The following RBFOX3 variants were observed in gnomAD, a reference collection of about 807,000 sequenced individuals.
RBFOX3 encodes RNA binding fox-1 homolog 3.
In RBFOX3, 17 loss-of-function variants were observed where a neutral mutation model predicts 48.7. The ratio of observed to expected loss-of-function variants is 0.35; its 90% confidence interval spans 0.24 to 0.52. The LOEUF is 0.52. Ranked by LOEUF, RBFOX3 falls within the 20% of genes least tolerant of loss-of-function variation. The pLI is 0.94. For synonymous variants in RBFOX3, 212 were observed against 209.5 expected, an observed-to-expected ratio of 1.01 and a Z score of -0.10; for missense variants, 382 against 497.5, an observed-to-expected ratio of 0.77 and a Z score of 2.21.
At chr17:79,335,634 G>C (rs1004364717) in intron 2 of RBFOX3, among the ~76,000 whole-genome samples, 1 of 152,162 alleles carries the variant, frequency 6.6e-6, no homozygotes, top group African/African-American at 2.4e-5. Flanking sequence ...TCCGCCATCT[G>C]GCTCTTGCTT....
intron 4 of RBFOX3, among the ~76,000 whole-genome samples, chr17:79,119,997 A>G (rs1190869567): frequency 1.3e-5 from 2 of 152,234 alleles, no homozygotes; most frequent in Non-Finnish European, 2.9e-5. Flanking sequence ...AGCACACAGA[A>G]GGCTGTGCAG....
chr17:79,120,695 T>TGGGC (rs2035476101), intron 4 of RBFOX3, among the ~76,000 whole-genome samples: 2 of 34,720 alleles, frequency 5.8e-5, no homozygotes, highest in East Asian at 1.0e-3. Flanking sequence ...GATGGATAGA[T>TGGGC]GGGTGGGTGG....
At chr17:79,130,126 G>A (rs544323523) in intron 4 of RBFOX3, among the ~76,000 whole-genome samples, 2 of 152,040 alleles carry the variant, frequency 1.3e-5, no homozygotes, top group African/African-American at 4.8e-5. Context: ...TCTGTCCCCT[G>A]ACAGCAGGTT....
chr17:79,431,834 A>T lies in RBFOX3; in HGVS notation c.-175+50620T>A, dbSNP rs192781009. Reference sequence around the variant, plus strand: ...ATATCTCTGAACCATTACTATCTTGAGTGTACAGTCAGTGGCATTCGGAAC... The same window carrying T: ...ATATCTCTGAACCATTACTATCTTGTGTGTACAGTCAGTGGCATTCGGAAC... On this transcript the variant is annotated intron_variant, in intron 2 of 14. Transcript: ENST00000693108. Among the ~76,000 whole-genome samples, 8 of 152,290 alleles carry T rather than the reference A, an allele frequency of 5.3e-5. No homozygotes were observed. In the East Asian group the frequency reaches 1.5e-3, roughly 29 times the overall value.
intron 2 of RBFOX3, among the ~76,000 whole-genome samples, chr17:79,332,540 CAG>C (rs2080483285): frequency 7.8e-6 from 1 of 127,700 alleles, no homozygotes; most frequent in Admixed American, 8.2e-5. Flanking sequence ...CAGCCAGAGA[CAG>C]AGACACAGAG....
chr17:79,267,336 T>G (rs2066883457), intron 3 of RBFOX3, among the ~76,000 whole-genome samples: 1 of 152,068 alleles, frequency 6.6e-6, no homozygotes, highest in Non-Finnish European at 1.5e-5. Flanking sequence ...ATCTCCAAGT[T>G]CTGTCCAGTC....
At chr17:79,648,346 G>A in the RBFOX3 span, among the ~76,000 whole-genome samples, 13 of 152,134 alleles carry the variant, frequency 8.5e-5, no homozygotes, top group Non-Finnish European at 1.3e-4. Context: ...CCTAACTCAC[G>A]GGCACGTCCT....
chr17:79,397,361 C>T (rs2062128755), intron 2 of RBFOX3, among the ~76,000 whole-genome samples: 1 of 151,898 alleles, frequency 6.6e-6, no homozygotes, highest in African/African-American at 2.4e-5. Flanking sequence ...GGCCTGGTGG[C>T]GCACACCTGT....
At chr17:79,440,937 G>A (rs1417624375) in intron 2 of RBFOX3, among the ~76,000 whole-genome samples, 4 of 152,230 alleles carry the variant, frequency 2.6e-5, no homozygotes, top group African/African-American at 4.8e-5. Context: ...CGCACGGTGA[G>A]TCGGAACCAG....
At chr17:79,436,153 G>A (rs1269653475) in intron 2 of RBFOX3, among the ~76,000 whole-genome samples, 1 of 152,200 alleles carries the variant, frequency 6.6e-6, no homozygotes, top group African/African-American at 2.4e-5. Flanking sequence ...AACACCCCCG[G>A]GTAGGCAGCC....
chr17:79,094,690 A>G (rs902239033), intron 13 of RBFOX3, among the ~76,000 whole-genome samples, 161 bp from the exon 14 acceptor site: 19 of 148,518 alleles, frequency 1.3e-4, no homozygotes, highest in African/African-American at 4.8e-4. Context: ...TGCAAGGCCT[A>G]CCCCTCCTTC....
chr17:79,154,643 T>C (rs2045361405), intron 4 of RBFOX3, among the ~76,000 whole-genome samples: 1 of 152,084 alleles, frequency 6.6e-6, no homozygotes, highest in Non-Finnish European at 1.5e-5. Context: ...TTTGGCTGGG[T>C]CTCGCCCTGC....
At chr17:79,366,742 G>A (rs1267797772) in intron 2 of RBFOX3, among the ~76,000 whole-genome samples, 1 of 152,230 alleles carries the variant, frequency 6.6e-6, no homozygotes, top group Non-Finnish European at 1.5e-5. Context: ...TTCTGCCTGT[G>A]GACACTGGCA....
intron 4 of RBFOX3, among the ~76,000 whole-genome samples, chr17:79,144,459 A>C (rs907700068): frequency 4.6e-5 from 7 of 152,126 alleles, no homozygotes; most frequent in Non-Finnish European, 1.0e-4. Flanking sequence ...CCTCACTCAG[A>C]AGCTCTTTCC....
chr17:79,221,128 C>T (rs568044573), intron 4 of RBFOX3, among the ~76,000 whole-genome samples: 3 of 152,334 alleles, frequency 2.0e-5, no homozygotes, highest in South Asian at 2.1e-4. Flanking sequence ...GCCGGCTGAG[C>T]GCTGTTGACA....
At chr17:79,506,871 C>T (rs566991144) in intron 1 of RBFOX3, among the ~76,000 whole-genome samples, 1 of 152,296 alleles carries the variant, frequency 6.6e-6, no homozygotes, top group African/African-American at 2.4e-5. Context: ...TCCAGTGCCC[C>T]CACGATCCAG....
At chr17:79,129,997 G>C (rs1045729480) in intron 4 of RBFOX3, among the ~76,000 whole-genome samples, 13 of 152,156 alleles carry the variant, frequency 8.5e-5, no homozygotes, top group Non-Finnish European at 1.9e-4. Flanking sequence ...GGCAGGGGCT[G>C]CCCTGCGGGG....
At position 79,103,483 on chromosome 17, in the gene RBFOX3, ACCCAGCCTGAG is replaced by A. The variant is rs1230266976; in HGVS notation, c.415-240_415-230del. Reference sequence around the variant, plus strand: ...ATGGGCCCCAGGGGGGCAGCTGCTGACCCAGCCTGAGCCCAGCCTGAGCTGATCACCCGGCA... The same window carrying A: ...ATGGGCCCCAGGGGGGCAGCTGCTGACCCAGCCTGAGCTGATCACCCGGCA... On this transcript the variant is annotated intron_variant, in intron 7 of 14. Coordinates refer to ENST00000693108, the MANE Select transcript of RBFOX3 (RefSeq NM_001350451.2). The surrounding 1 kb of genome is among the most constrained non-coding windows in gnomAD (Gnocchi z 6.1). 2.0e-5 allele frequency among the ~76,000 whole-genome samples: 3 copies of A among 152,036 alleles called. No homozygotes were observed. Among genetic ancestry groups the A allele is most frequent in the African/African-American group, 7.2e-5 (3 of 41,412 alleles).
At chr17:79,558,965 T>C (rs1281576253) in intron 1 of RBFOX3, among the ~76,000 whole-genome samples, 6 of 152,020 alleles carry the variant, frequency 3.9e-5, no homozygotes, top group Non-Finnish European at 8.8e-5. Context: ...TACCAGGCAT[T>C]GTCCATGCCA....
Sources: gnomAD v4.1 joint callset for allele counts (sites outside exome capture counted in the v4.1 genomes callset) on GRCh38, gnomAD v4.1.1 for gene constraint, Gnocchi (gnomAD v3.1) non-coding constraint, MANE v1.5 for transcripts, NCBI Gene and HGNC (gene_info 2026-07-23, HGNC 2026-07-21) for gene names.